PHF20L1: variants seen among roughly 807,000 people sequenced by gnomAD.
PHF20L1 encodes PHD finger protein 20 like 1, also known as PHD finger protein 20-like protein 1.
PHF20L1 carries 44 observed loss-of-function variants against 125.5 expected under a neutral mutation model. That is an observed-to-expected ratio of 0.35 (90% confidence interval 0.28 to 0.45). The LOEUF (loss-of-function observed/expected upper bound fraction) is 0.45, where lower values mean the gene tolerates loss of function less well. Ranked by LOEUF, PHF20L1 falls within the 20% of genes least tolerant of loss-of-function variation. The pLI is 1.00. For synonymous variants in PHF20L1, 380 were observed against 403.1 expected, an observed-to-expected ratio of 0.94 and a Z score of 0.69; for missense variants, 1,012 against 1,217.2, an observed-to-expected ratio of 0.83 and a Z score of 2.51.
intron 19 of PHF20L1, chr8:132,843,789 T>C (rs780745764): frequency 2.3e-5 from 23 of 985,208 alleles, no homozygotes; most frequent in African/African-American, 3.5e-5. Context: ...TCATCATTGC[T>C]TTCCACTCTT....
intron 2 of PHF20L1, among the ~76,000 whole-genome samples, chr8:132,792,576 T>G (rs1158272432): frequency 2.6e-5 from 4 of 152,214 alleles, no homozygotes; most frequent in African/African-American, 9.6e-5. Context: ...AAATTGCCTT[T>G]CTTTAAAGCG....
rs578060467 is a variant in PHF20L1, at chr8:132,830,912, G to A, written c.1745-1323G>A. ...TCATACCCACTTTTGTTGCCTTGTT[G>A]CTCACGCATAAACCTGGAAATCAAT... On this transcript the variant is annotated intron_variant, in intron 14 of 20. Coordinates refer to ENST00000395386, the MANE Select transcript of PHF20L1 (RefSeq NM_016018.5). 5.9e-5 allele frequency among the ~76,000 whole-genome samples: 9 copies of A among 152,016 alleles called. No individual in the cohort carries two copies. In the East Asian group the frequency reaches 1.4e-3, roughly 23 times the overall value.
At position 132,842,955 on chromosome 8, in the gene PHF20L1, AT is replaced by A; in HGVS notation, c.2748+82del. 6.8e-6 allele frequency: 10 copies of A among 1,475,208 alleles called. No homozygotes were observed. In the South Asian group the frequency reaches 1.5e-4, roughly 22 times the overall value. The allele number at this position is 1,475,208 out of a possible 1,614,324, so 91.4% of individuals were successfully genotyped here. On this transcript the variant is annotated intron_variant, in intron 19 of 20. Coordinates refer to ENST00000395386, the MANE Select transcript of PHF20L1 (RefSeq NM_016018.5). ...AATTTTATAAAATAAGGCATACTGAATTCCCAGATTTTAGTTGTATTTCCAA... is the reference window on the plus strand; with the variant it reads ...AATTTTATAAAATAAGGCATACTGAATCCCAGATTTTAGTTGTATTTCCAA...
intron 18 of PHF20L1, 24 bp downstream of exon 18, chr8:132,839,606 G>A (rs773168682): frequency 6.4e-7 from 1 of 1,564,048 alleles, no homozygotes; most frequent in Non-Finnish European, 8.8e-7. Flanking sequence ...AGCAAAGGGA[G>A]GGTCACACTT....
intron 14 of PHF20L1, among the ~76,000 whole-genome samples, chr8:132,827,341 TC>T (rs1266450579): frequency 3.3e-5 from 5 of 151,976 alleles, no homozygotes; most frequent in African/African-American, 1.2e-4. Context: ...AAATAAAACT[TC>T]CAGATGAACT....
rs756365872 is a variant in PHF20L1 at position 132,799,181 on chromosome 8, C to CT, written c.507+17dup. On this transcript the variant is annotated intron_variant, in intron 6 of 20. Transcript: ENST00000395386. Reference sequence around the variant, plus strand: ...AGTCTATGGGAAGTGAGGTAAGAGCCTTTTTTTTAAAAATTTTGTTTTGTT... The same window carrying CT: ...AGTCTATGGGAAGTGAGGTAAGAGCCTTTTTTTTTAAAAATTTTGTTTTGTT... The CT allele has an allele frequency of 4.5e-5, 71 of 1,570,210 alleles. No homozygotes were observed. The highest frequency in any genetic ancestry group is 3.4e-4 in the Middle Eastern group (2 of 5,912).
chr8:132,830,334 C>T (rs1176005858), intron 14 of PHF20L1, among the ~76,000 whole-genome samples: 1 of 152,078 alleles, frequency 6.6e-6, no homozygotes, highest in Non-Finnish European at 1.5e-5. Flanking sequence ...GATACTCTCC[C>T]TGTTGTGAGG....
chr8:132,821,668 T>C lies in PHF20L1; in HGVS notation c.1580-2336T>C, dbSNP rs576227587. 9.2e-5 allele frequency among the ~76,000 whole-genome samples: 14 copies of C among 152,038 alleles called. No homozygotes were observed. In the South Asian group the frequency reaches 2.9e-3, roughly 32 times the overall value. Reference sequence around the variant, plus strand: ...GCCTCTCTTTTTAGTCAGAAGAATCTGTAATGTTTAGCATACCAGAAGAGG... The same window carrying C: ...GCCTCTCTTTTTAGTCAGAAGAATCCGTAATGTTTAGCATACCAGAAGAGG... On this transcript the variant is annotated intron_variant, in intron 12 of 20. Transcript: ENST00000395386.
At chr8:132,843,190 A>G (rs187133588) in intron 19 of PHF20L1, 14,698 of 1,042,570 alleles carry the variant, frequency 0.014, 127 homozygotes, top group Middle Eastern at 0.02. Flanking sequence ...TCAGTGTGTA[A>G]GAATGTGAAA....
chr8:132,777,666 G>T, intron 1 of PHF20L1, 126 bp from the exon 2 acceptor site: 2 of 541,604 alleles, frequency 3.7e-6, no homozygotes, highest in South Asian at 2.5e-5. Context: ...TAACAATTTG[G>T]CAAGTATTTC....
rs961152442 is a variant in PHF20L1 at position 132,846,083 on chromosome 8, A to G, written c.*160A>G. 1.3e-5 allele frequency: 7 copies of G among 546,792 alleles called. No homozygotes were observed. Among genetic ancestry groups the G allele is most frequent in the Non-Finnish European group, 2.2e-5 (7 of 312,708 alleles). 33.9% of individuals were successfully genotyped at this position (546,792 alleles called of 1,614,324 possible). A position where few individuals can be genotyped will look rare whatever the true frequency, so the allele number is the denominator to read the frequency against. Reference sequence around the variant, plus strand: ...GGCACCTTGGAAAGAAAAATGAAGAACAACTTTATCAAGGAAGCTAGTATT... The same window carrying G: ...GGCACCTTGGAAAGAAAAATGAAGAGCAACTTTATCAAGGAAGCTAGTATT... On this transcript the variant is annotated 3_prime_UTR_variant, in exon 21 of 21. Coordinates refer to ENST00000395386, the MANE Select transcript of PHF20L1 (RefSeq NM_016018.5).
At chr8:132,815,041 C>G (rs975487276) in intron 10 of PHF20L1, 152 bp downstream of exon 10, 3 of 558,256 alleles carry the variant, frequency 5.4e-6, no homozygotes, top group Admixed American at 3.3e-5. Flanking sequence ...GGGGCAAAAA[C>G]CATAGACATT....
At chr8:132,842,958 C>T (rs1838079432) in intron 19 of PHF20L1, 83 bp downstream of exon 19, 1 of 1,471,870 alleles carries the variant, frequency 6.8e-7, no homozygotes, top group African/African-American at 1.4e-5. Flanking sequence ...ATACTGAATT[C>T]CCAGATTTTA....
chr8:132,818,971 G>A (rs2131709725), intron 12 of PHF20L1: 1 of 151,958 alleles, frequency 6.6e-6, no homozygotes. Flanking sequence ...AAGTAACTGT[G>A]TAATAACTAA....
intron 2 of PHF20L1, among the ~76,000 whole-genome samples, chr8:132,787,190 T>C (rs963285404): frequency 1.3e-5 from 2 of 151,846 alleles, no homozygotes. Flanking sequence ...ACAAAGGATA[T>C]GGTACAGGTA....
chr8:132,794,298 T>G (rs993296667), intron 2 of PHF20L1, 112 bp from the exon 3 acceptor site: 15 of 618,898 alleles, frequency 2.4e-5, no homozygotes, highest in Non-Finnish European at 3.3e-5. Flanking sequence ...ACGTATTTAT[T>G]GTTTTCTTCA....
At chr8:132,803,215 C>G (rs955001753) in intron 6 of PHF20L1, among the ~76,000 whole-genome samples, 1 of 151,696 alleles carries the variant, frequency 6.6e-6, no homozygotes, top group African/African-American at 2.4e-5. Context: ...GTCAATGGAG[C>G]TCTTTTCTTC....
chr8:132,775,804 C>T (rs1829640752), intron 1 of PHF20L1, among the ~76,000 whole-genome samples, 159 bp downstream of exon 1: 1 of 152,176 alleles, frequency 6.6e-6, no homozygotes, highest in African/African-American at 2.4e-5. Flanking sequence ...CTCCCTCTTC[C>T]CCTCCCTTCC....
intron 2 of PHF20L1, among the ~76,000 whole-genome samples, chr8:132,793,854 G>A (rs1832070204): frequency 6.6e-6 from 1 of 152,104 alleles, no homozygotes; most frequent in South Asian, 2.1e-4. Context: ...ACATGCTGAT[G>A]TATTTTTTGC....
Sources: gnomAD v4.1 joint callset for allele counts (sites outside exome capture counted in the v4.1 genomes callset) on GRCh38, gnomAD v4.1.1 for gene constraint, MANE v1.5 for transcripts, NCBI Gene and HGNC (gene_info 2026-07-23, HGNC 2026-07-21) for gene names.